The following ALDH1L1 variants were observed in gnomAD, a reference collection of about 807,000 sequenced individuals.
ALDH1L1 encodes the protein aldehyde dehydrogenase 1 family member L1.
A neutral mutation model predicts 101.1 loss-of-function variants in ALDH1L1; 68 were observed. That is an observed-to-expected ratio of 0.67 (90% confidence interval 0.55 to 0.82). The LOEUF is 0.82. Ranked by LOEUF, ALDH1L1 falls within the 40% of genes least tolerant of loss-of-function variation. The probability of loss-of-function intolerance (pLI) is 0.00; values close to 1 mark genes in which losing one functional copy is unlikely to be tolerated. For missense variants in ALDH1L1, 1,087 were observed against 1,172.7 expected, an observed-to-expected ratio of 0.93 and a Z score of 1.07; for synonymous variants, 486 against 470.8, an observed-to-expected ratio of 1.03 and a Z score of -0.42.
At position 126,157,307 on chromosome 3, in the gene ALDH1L1, G is replaced by A. The variant is rs1444653319; in HGVS notation, c.528+36C>T. Reference sequence around the variant, plus strand: ...TAGGGAGGATGCTTGAGGGTGCGTCGGGGCGGGCAGGGCGCGGCCGGCTCC... The same window carrying A: ...TAGGGAGGATGCTTGAGGGTGCGTCAGGGCGGGCAGGGCGCGGCCGGCTCC... On this transcript the variant is annotated intron_variant, in intron 4 of 22. Coordinates refer to ENST00000393434, the MANE Select transcript of ALDH1L1 (RefSeq NM_012190.4). 3.1e-6 allele frequency: 5 copies of A among 1,588,744 alleles called. No individual in the cohort carries two copies. The East Asian group carries it at 6.8e-5, about 21-fold the overall frequency.
intron 9 of ALDH1L1, among the ~76,000 whole-genome samples, chr3:126,138,855 A>T (rs2080507967): frequency 6.6e-6 from 1 of 152,260 alleles, no homozygotes; most frequent in Admixed American, 6.5e-5. Flanking sequence ...TTATCTAAAT[A>T]ACTATGGAAC....
chr3:126,136,883 C>T lies in ALDH1L1; in HGVS notation c.1225G>A (p.Val409Met), dbSNP rs116683776. 2,226 of 1,613,682 alleles carry T rather than the reference C, an allele frequency of 1.4e-3. 24 individuals carry two copies. The African/African-American group carries it at 0.027, about 19-fold the overall frequency. The change falls in exon 11 of 23, where the codon GTG becomes ATG. Residue 409 changes from valine (V) to methionine (M), a missense_variant and splice_region_variant. Around this residue, in one of 2 missense-constraint regions of ALDH1L1, gnomAD observed 645 missense variants for 637.0 expected, o/e 1.01. Coordinates refer to ENST00000393434, the MANE Select transcript of ALDH1L1 (RefSeq NM_012190.4). ...DEEGECSIDY[V>M]EMAVNKRTVR... ...GTGCGCTTGTTCACTGCCATTTCCA[C>T]CTGAAAGAAAGGCCCCAGTGACAAG...
chr3:126,185,978 G>A, upstream of ALDH1L1, among the ~76,000 whole-genome samples: 1 of 152,070 alleles, frequency 6.6e-6, no homozygotes, highest in East Asian at 1.9e-4. Flanking sequence ...GGTCCCTAAA[G>A]TACTCATGTT....
At chr3:126,103,993 T>A in intron 22 of ALDH1L1, 147 bp from the exon 23 acceptor site, 10 of 837,216 alleles carry the variant, frequency 1.2e-5, no homozygotes, top group Non-Finnish European at 1.5e-5. Context: ...AGCGAGGTCA[T>A]GAATCTTACC....
At chr3:126,147,659 AG>A (rs1396440961) in intron 8 of ALDH1L1, among the ~76,000 whole-genome samples, 1 of 152,178 alleles carries the variant, frequency 6.6e-6, no homozygotes, top group Non-Finnish European at 1.5e-5. Context: ...ATATCAGGCC[AG>A]GTCCCCACTC....
At chr3:126,159,082 T>G (rs2080983337) in intron 2 of ALDH1L1, among the ~76,000 whole-genome samples, 1 of 152,204 alleles carries the variant, frequency 6.6e-6, no homozygotes, top group Admixed American at 6.5e-5. Context: ...CCCCACTCCT[T>G]TCTGTCCAGT....
At position 126,124,253 on chromosome 3, in the gene ALDH1L1, G is replaced by A. The variant is rs936153961; in HGVS notation, c.1888+111C>T. ...TTGTCACAGGCTGGCCCCCGCCTGGGCTCTCCCCAGGCTACTCTGCCCTCA... is the reference window on the plus strand; with the variant it reads ...TTGTCACAGGCTGGCCCCCGCCTGGACTCTCCCCAGGCTACTCTGCCCTCA... On this transcript the variant is annotated intron_variant, in intron 16 of 22. Transcript: ENST00000393434. 215 of 965,850 alleles carry A rather than the reference G, an allele frequency of 2.2e-4. 1 individual carries two copies. Among genetic ancestry groups the A allele is most frequent in the Non-Finnish European group, 3.1e-4 (207 of 659,898 alleles). 59.8% of individuals were successfully genotyped at this position (965,850 alleles called of 1,614,324 possible). A position where few individuals can be genotyped will look rare whatever the true frequency, so the allele number is the denominator to read the frequency against.
intron 1 of ALDH1L1, among the ~76,000 whole-genome samples, chr3:126,167,151 C>G (rs562426771): frequency 6.6e-6 from 1 of 152,010 alleles, no homozygotes. Context: ...TATTACGTTG[C>G]CTTTATAACA....
intron 1 of ALDH1L1, among the ~76,000 whole-genome samples, chr3:126,195,180 T>C (rs187543881): frequency 5.3e-5 from 8 of 152,266 alleles, no homozygotes; most frequent in Non-Finnish European, 1.0e-4. Context: ...GTCAAAGCAG[T>C]TTATAACCTT....
rs538846709 is a variant in ALDH1L1, at chr3:126,137,960, C to T, written c.1077G>A (p.Arg359=). 6.2e-7 allele frequency: 1 copy of T among 1,614,034 alleles called. No individual in the cohort carries two copies. Among genetic ancestry groups the T allele is most frequent in the East Asian group, 2.2e-5 (1 of 44,880 alleles). Residue 359 remains arginine (R), a splice_region_variant and synonymous_variant, in exon 10 of 23, where the codon AGG becomes AGA. Coordinates refer to ENST00000393434, the MANE Select transcript of ALDH1L1 (RefSeq NM_012190.4). ...KSGAASVDVV[R]LVEEVKELCD... ...ACAGCTCCTTCACTTCCTCCACCAG[C>T]CTGGAGGAAGGAGATGGAAAGATGG...
At chr3:126,117,220 G>A in intron 17 of ALDH1L1, among the ~76,000 whole-genome samples, 1 of 149,604 alleles carries the variant, frequency 6.7e-6, no homozygotes, top group Non-Finnish European at 1.5e-5. Flanking sequence ...CAGCCTGGGT[G>A]ACACTGTGAG....
intron 1 of ALDH1L1, among the ~76,000 whole-genome samples, chr3:126,161,835 A>G (rs533040397): frequency 4.6e-5 from 7 of 152,278 alleles, no homozygotes; most frequent in Admixed American, 1.3e-4. Flanking sequence ...TGTCAACACC[A>G]CCAGAAAGAG....
rs1576516928 is a variant in ALDH1L1 at position 126,197,363 on chromosome 3, A to T, written c.-24+372T>A. The stretch of plus-strand genomic sequence containing the variant: ...TTTCCTAGATTAACTTAGCCAATGA[A>T]TTTTTTTTCCCACCTAAACGCACAA... On this transcript the variant is annotated intron_variant, in intron 1 of 2. Transcript: ENST00000509952. 2.0e-5 allele frequency among the ~76,000 whole-genome samples: 3 copies of T among 152,198 alleles called. No homozygotes were observed. The East Asian group carries it at 5.8e-4, about 29-fold the overall frequency.
chr3:126,136,743 G>C (rs1274647082), intron 11 of ALDH1L1, 21 bp downstream of exon 11: 5 of 1,557,626 alleles, frequency 3.2e-6, no homozygotes, highest in Non-Finnish European at 3.5e-6. Flanking sequence ...TGTGGAGAAG[G>C]GGTGCTGGGC....
At chr3:126,185,404 G>C (rs2081509089), upstream of ALDH1L1, among the ~76,000 whole-genome samples, 1 of 152,252 alleles carries the variant, frequency 6.6e-6, no homozygotes, top group African/African-American at 2.4e-5. Context: ...TGAATGCACA[G>C]GTGGCAGATA....
chr3:126,188,063 C>T (rs1576512108), intron 1 of ALDH1L1, among the ~76,000 whole-genome samples: 1 of 152,276 alleles, frequency 6.6e-6, no homozygotes, highest in East Asian at 1.9e-4. Flanking sequence ...GCAAAAAGAA[C>T]AACTTAATTG....
At chr3:126,166,044 G>T (rs1183391554) in intron 1 of ALDH1L1, among the ~76,000 whole-genome samples, 1 of 152,040 alleles carries the variant, frequency 6.6e-6, no homozygotes, top group African/African-American at 2.4e-5. Context: ...TCTTCTCGAT[G>T]AAGCCATTTA....
At chr3:126,179,150 G>T (rs2081423117) in intron 1 of ALDH1L1, among the ~76,000 whole-genome samples, 1 of 152,212 alleles carries the variant, frequency 6.6e-6, no homozygotes, top group Admixed American at 6.5e-5. Context: ...CGTATGGGCC[G>T]CCTCCAGGCC....
chr3:126,154,687 TC>T, intron 5 of ALDH1L1, 44 bp from the exon 6 acceptor site: 1 of 1,568,480 alleles, frequency 6.4e-7, no homozygotes, highest in Non-Finnish European at 8.8e-7. Context: ...CTCTCCTCAC[TC>T]CCCTCCCACC....
Sources: allele counts gnomAD v4.1 joint callset (sites outside exome capture counted in the v4.1 genomes callset), GRCh38; gene constraint gnomAD v4.1.1; regional missense constraint gnomAD v4.1.1; transcripts MANE v1.5; gene names NCBI Gene and HGNC (gene_info 2026-07-23, HGNC 2026-07-21).